Variants in CFTR observed in about 807,000 individuals in gnomAD.
The protein encoded by CFTR is CF transmembrane conductance regulator.
In CFTR, 181 loss-of-function variants were observed where a neutral mutation model predicts 171.6. The observed-to-expected ratio is 1.05, with a 90% CI of 0.93 to 1.19. The LOEUF is 1.19. Among genes scored for constraint, CFTR ranks in the 50% most tolerant of loss-of-function variants. The probability of loss-of-function intolerance (pLI) is 0.00; values close to 1 mark genes in which losing one functional copy is unlikely to be tolerated. For missense variants in CFTR, 1,968 were observed against 1,734.7 expected (o/e 1.13, Z -2.39); for synonymous variants, 583 against 608.0 (o/e 0.96, Z 0.60).
intron 1 of CFTR, among the ~76,000 whole-genome samples, chr7:117,499,872 T>G (rs1225525971): frequency 6.6e-6 from 1 of 152,090 alleles, no homozygotes; most frequent in Non-Finnish European, 1.5e-5. Context: ...AGTAGACCAA[T>G]GTAAAAGTCT....
chr7:117,654,298 T>C (rs1665007634), intron 24 of CFTR, among the ~76,000 whole-genome samples: 1 of 152,192 alleles, frequency 6.6e-6, no homozygotes, highest in African/African-American at 2.4e-5. Flanking sequence ...ACCTGGGCCC[T>C]GTGACTCCCT....
intron 23 of CFTR, among the ~76,000 whole-genome samples, chr7:117,648,722 A>G (rs1346373771): frequency 6.6e-6 from 1 of 152,138 alleles, no homozygotes; most frequent in African/African-American, 2.4e-5. Context: ...TGACCTCCAA[A>G]GACCTTTCAA....
intron 24 of CFTR, among the ~76,000 whole-genome samples, chr7:117,661,045 T>G (rs1270788132): frequency 1.3e-5 from 2 of 152,200 alleles, no homozygotes; most frequent in Non-Finnish European, 2.9e-5. Flanking sequence ...GCACATGTGA[T>G]TGGTAACAAT....
chr7:117,499,275 C>G (rs1240794427), intron 1 of CFTR, among the ~76,000 whole-genome samples: 1 of 151,818 alleles, frequency 6.6e-6, no homozygotes, highest in African/African-American at 2.4e-5. Context: ...TGAGTATAAG[C>G]TTTAATTATA....
chr7:117,536,695 A>T (rs767259346), intron 7 of CFTR, 22 bp downstream of exon 7: 2 of 1,595,754 alleles, frequency 1.3e-6, no homozygotes, highest in Admixed American at 3.3e-5. Flanking sequence ...CAATAATTTC[A>T]ATATTGTTAG....
At chr7:117,666,485 C>A (rs1410461418) in intron 26 of CFTR, among the ~76,000 whole-genome samples, 1 of 152,156 alleles carries the variant, frequency 6.6e-6, no homozygotes, top group Non-Finnish European at 1.5e-5. Flanking sequence ...ATTTGCTCAA[C>A]CTGAACAAGC....
intron 15 of CFTR, among the ~76,000 whole-genome samples, chr7:117,600,548 A>G (rs1792207500): frequency 3.9e-5 from 6 of 152,108 alleles, no homozygotes; most frequent in Admixed American, 3.3e-4. Flanking sequence ...GTGGCTTTAC[A>G]TTATTAGTAC....
At chr7:117,508,758 T>G (rs1164681593) in intron 2 of CFTR, among the ~76,000 whole-genome samples, 1 of 152,254 alleles carries the variant, frequency 6.6e-6, no homozygotes, top group African/African-American at 2.4e-5. Flanking sequence ...CCCTTTTCAT[T>G]GTTTTTTAGA....
chr7:117,571,427 GAGGAGATAGTTA>G (rs1295372584), intron 11 of CFTR, among the ~76,000 whole-genome samples: 2 of 152,126 alleles, frequency 1.3e-5, no homozygotes, highest in African/African-American at 4.8e-5. Context: ...GTCAGACTTA[GAGGAGATAGTTA>G]AGGAATTAGC....
chr7:117,554,031 G>A (rs984432979), intron 10 of CFTR, among the ~76,000 whole-genome samples: 3 of 152,144 alleles, frequency 2.0e-5, no homozygotes, highest in Non-Finnish European at 2.9e-5. Flanking sequence ...AATCGGCGGT[G>A]GAGGTAGGGG....
At position 117,536,615 on chromosome 7, in the gene CFTR, T is replaced by C; in HGVS notation, c.811T>C (p.Ser271Pro). 6.2e-7 allele frequency: 1 copy of C among 1,610,924 alleles called. No homozygotes were observed. Among genetic ancestry groups the C allele is most frequent in the Non-Finnish European group, 8.5e-7 (1 of 1,178,552 alleles). Residue 271 changes from serine to proline, a missense_variant, in exon 7 of 27, where the codon TCT becomes CCT. Physicochemically the swap from Ser to Pro is moderately conservative, Grantham distance 74. Transcript: ENST00000003084. ...CTCAGAAATGATTGAAAATATCCAA[T>C]CTGTTAAGGCATACTGCTGGGAAGA... ...ITSEMIENIQ[S>P]VKAYCWEEAM...
chr7:117,646,305 ATTG>A (rs2116179326), intron 23 of CFTR, among the ~76,000 whole-genome samples: 1 of 152,284 alleles, frequency 6.6e-6, no homozygotes, highest in African/African-American at 2.4e-5. Context: ...TTAGTATAAT[ATTG>A]GAGGTATATA....
rs4148716 is a variant in CFTR, at chr7:117,611,420, A to G, written c.3140-161A>G. Among the ~76,000 whole-genome samples, 120 of 152,288 alleles carry G rather than the reference A, an allele frequency of 7.9e-4. 2 individuals are homozygous for G. The highest frequency in any genetic ancestry group is 3.7e-3 in the East Asian group (19 of 5,182). ...TAACTCATTAATAAAATAACAAATC[A>G]TATCTATTCAAAGAATGGCACCAGT... On this transcript the variant is annotated intron_variant, in intron 19 of 26. Transcript: ENST00000003084.
At chr7:117,547,819 A>G (rs942996216) in intron 9 of CFTR, among the ~76,000 whole-genome samples, 2 of 152,190 alleles carry the variant, frequency 1.3e-5, no homozygotes, top group Admixed American at 6.5e-5. Flanking sequence ...TGTCTGTATA[A>G]AATGAGGGAA....
At chr7:117,560,953 C>A (rs894860436) in intron 11 of CFTR, among the ~76,000 whole-genome samples, 10 of 151,998 alleles carry the variant, frequency 6.6e-5, no homozygotes, top group African/African-American at 9.6e-5. Context: ...GCGGAAGGTG[C>A]CTTACAGACT....
intron 11 of CFTR, among the ~76,000 whole-genome samples, chr7:117,578,044 T>C (rs1451263172): frequency 6.6e-6 from 1 of 152,140 alleles, no homozygotes; most frequent in African/African-American, 2.4e-5. Flanking sequence ...TGCATGCACA[T>C]ATACATATAT....
intron 3 of CFTR, among the ~76,000 whole-genome samples, chr7:117,528,701 C>T (rs1321589544): frequency 3.1e-5 from 3 of 96,912 alleles, no homozygotes; most frequent in Admixed American, 1.3e-4. Context: ...AAAAAGTGGG[C>T]GAAGGACATG....
chr7:117,499,546 G>A (rs781631223), intron 1 of CFTR, among the ~76,000 whole-genome samples: 1 of 146,526 alleles, frequency 6.8e-6, no homozygotes, highest in Non-Finnish European at 1.5e-5. Context: ...TATCTAGGAT[G>A]CTAGACTTTT....
intron 17 of CFTR, 99 bp downstream of exon 17, chr7:117,603,881 G>A (rs1792265716): frequency 1.1e-5 from 14 of 1,300,388 alleles, no homozygotes; most frequent in Middle Eastern, 1.8e-4. Context: ...TTTGCACAGA[G>A]GCATGTGCCC....
Sources: allele counts gnomAD v4.1 joint callset (sites outside exome capture counted in the v4.1 genomes callset), GRCh38; gene constraint gnomAD v4.1.1; transcripts MANE v1.5; gene names NCBI Gene and HGNC (gene_info 2026-07-23, HGNC 2026-07-21).